Variants in ELN observed in about 807,000 individuals in gnomAD.
ELN encodes tropoelastin.
A neutral mutation model predicts 105.8 loss-of-function variants in ELN; 65 were observed. That is an observed-to-expected ratio of 0.61 (90% CI 0.50 to 0.75). The LOEUF is 0.75. Ranked by LOEUF, ELN falls within the 30% of genes least tolerant of loss-of-function variation. The pLI is 0.00. For missense variants in ELN, 882 were observed against 969.4 expected (o/e 0.91, Z 1.20); for synonymous variants, 368 against 389.2 (o/e 0.95, Z 0.64).
rs781987539 is a variant in ELN at position 74,028,181 on chromosome 7, C to CCCCAGA, written c.-4_-3insAGACCC. On this transcript the variant is annotated 5_prime_UTR_variant, in exon 1 of 33. Transcript: ENST00000252034. Reference sequence around the variant, plus strand: ...GCGGAGAGCGGGCTGGGGCATTTCTCCCCGAGATGGCGGGTCTGACGGCGG... The same window carrying CCCCAGA: ...GCGGAGAGCGGGCTGGGGCATTTCTCCCCAGACCCGAGATGGCGGGTCTGACGGCGG... The CCCCAGA allele has an allele frequency of 2.7e-5, 44 of 1,609,028 alleles. No homozygotes were observed. The East Asian group carries it at 9.9e-4, about 36-fold the overall frequency.
intron 21 of ELN, 150 bp from the exon 22 acceptor site, chr7:74,057,490 G>A (rs782652234): frequency 1.3e-6 from 2 of 1,580,150 alleles, no homozygotes; most frequent in Admixed American, 3.5e-5. Flanking sequence ...CTCCAGCCCA[G>A]AGATGGGTTT....
At chr7:74,043,588 T>C in intron 8 of ELN, 1 of 641,486 alleles carries the variant, frequency 1.6e-6, no homozygotes. Flanking sequence ...ACTGCCTGAG[T>C]CTACGCAGCA....
rs567352486 is a variant in ELN, at chr7:74,064,487, A to G, written c.1993+792A>G. On this transcript the variant is annotated intron_variant, in intron 29 of 32. Transcript: ENST00000252034. ...ATAAATTAGCTGGGCATGGTGACAC[A>G]CGCCTGTAATCCCAGCTACTCGGGA... 1.6e-4 allele frequency among the ~76,000 whole-genome samples: 24 copies of G among 151,374 alleles called. No homozygotes were observed. The East Asian group carries it at 3.3e-3, about 21-fold the overall frequency.
chr7:74,035,576 T>C (rs1443909680), intron 2 of ELN, 162 bp downstream of exon 2: 1 of 854,886 alleles, frequency 1.2e-6, no homozygotes, highest in Non-Finnish European at 1.9e-6. Context: ...TTACAGCTAT[T>C]AAGAGCATAC....
At chr7:74,066,596 A>C (rs1279578015) in intron 31 of ELN, 136 bp from the exon 32 acceptor site, 12 of 548,316 alleles carry the variant, frequency 2.2e-5, no homozygotes, top group Non-Finnish European at 3.7e-5. Flanking sequence ...AAAATATAAA[A>C]AATTATATAG....
chr7:74,046,296 A>T (rs1467465606), intron 11 of ELN, 79 bp downstream of exon 11: 5 of 1,598,732 alleles, frequency 3.1e-6, no homozygotes, highest in Non-Finnish European at 4.3e-6. Flanking sequence ...GGCACCCAAG[A>T]TCCCATCCAA....
intron 21 of ELN, 100 bp from the exon 22 acceptor site, chr7:74,057,540 C>T (rs1554681033): frequency 1.6e-5 from 25 of 1,606,138 alleles, no homozygotes; most frequent in Non-Finnish European, 2.0e-5. Context: ...TGACCAAGGT[C>T]GACTGCACCA....
chr7:74,036,688 G>A (rs1157007189), intron 3 of ELN, 104 bp downstream of exon 3: 18 of 1,522,756 alleles, frequency 1.2e-5, no homozygotes, highest in Admixed American at 1.7e-5. Context: ...GAGCATCAAG[G>A]ACTCCCTCAT....
Position 74,043,001 on chromosome 7 carries a change from G to A in ELN, c.343G>A (p.Val115Ile), listed in dbSNP as rs782282589. 6.2e-7 allele frequency: 1 copy of A among 1,614,206 alleles called. No homozygotes were observed. The highest frequency in any genetic ancestry group is 2.2e-5 in the East Asian group (1 of 44,884). Reference sequence around the variant, plus strand: ...CTCTGCAGGCGCTGGGCTTGGTGGTGTCCCAGGAGTTGGTGGCTTAGGAGT... The same window carrying A: ...CTCTGCAGGCGCTGGGCTTGGTGGTATCCCAGGAGTTGGTGGCTTAGGAGT... ...AAKAGAGLGGVPGVGGLGVSA... is the reference protein window; with the variant it reads ...AAKAGAGLGGIPGVGGLGVSA... The change falls in exon 7 of 33, where the codon GTC (valine) becomes ATC (isoleucine). Residue 115 changes from valine (V) to isoleucine (I), a missense_variant. Val to Ile is a conservative substitution (Grantham distance 29, BLOSUM62 3). Transcript: ENST00000252034.
intron 4 of ELN, among the ~76,000 whole-genome samples, chr7:74,040,145 C>T (rs932128983): frequency 6.6e-6 from 1 of 152,224 alleles, no homozygotes; most frequent in African/African-American, 2.4e-5. Flanking sequence ...GCCTGCCCCC[C>T]ACTGCAGCCC....
chr7:74,063,678 G>C lies in ELN; in HGVS notation c.1976G>C (p.Gly659Ala). Residue 659 changes from glycine to alanine, a missense_variant, in exon 29 of 33, where the codon GGT (glycine) becomes GCT (alanine). Gly to Ala is a moderately conservative substitution (Grantham distance 60). Coordinates refer to ENST00000252034, the MANE Select transcript of ELN (RefSeq NM_000501.4). This position sits in a 1 kb window ranked among gnomAD's most constrained non-coding sequence, Gnocchi z 4.1. ...GLGVGGLGVP[G>A]VGGLGGIPPA... ...GGAGTCGGAGGGCTTGGAGTTCCAG[G>C]TGTTGGGGGCCTTGGAGGTGAGAGT... The C allele has an allele frequency of 6.2e-7, 1 of 1,614,206 alleles. No individual in the cohort carries two copies. Among genetic ancestry groups the C allele is most frequent in the African/African-American group, 1.3e-5 (1 of 75,054 alleles).
At chr7:74,028,691 G>A (rs894693455) in intron 1 of ELN, among the ~76,000 whole-genome samples, 4 of 152,196 alleles carry the variant, frequency 2.6e-5, no homozygotes, top group African/African-American at 9.6e-5. Flanking sequence ...ACCTGGGCTT[G>A]ATACCAGCTC....
rs1354728977 is a variant in ELN, at chr7:74,060,533, C to T, written c.1747+32C>T. The T allele has an allele frequency of 1.2e-6, 2 of 1,614,072 alleles. No individual in the cohort carries two copies. Among genetic ancestry groups the T allele is most frequent in the African/African-American group, 2.7e-5 (2 of 74,930 alleles). On this transcript the variant is annotated intron_variant, in intron 25 of 32. Transcript: ENST00000252034. ...ATGAGGGAGTTAGGCGGAGCCTGTCCCCTGAGCTCAGGGAAGGAGATCCCT... is the reference window on the plus strand; with the variant it reads ...ATGAGGGAGTTAGGCGGAGCCTGTCTCCTGAGCTCAGGGAAGGAGATCCCT...
At chr7:74,060,977 C>A in intron 25 of ELN, 124 bp from the exon 26 acceptor site, 1 of 1,185,814 alleles carries the variant, frequency 8.4e-7, no homozygotes, top group Non-Finnish European at 1.3e-6. Context: ...GCCTGTACAG[C>A]TTCAGGGCTT....
At chr7:74,062,644 G>T (rs192115317) in intron 26 of ELN, among the ~76,000 whole-genome samples, 1 of 151,470 alleles carries the variant, frequency 6.6e-6, no homozygotes, top group African/African-American at 2.4e-5. Flanking sequence ...TCCATCTCCC[G>T]GGTTCAAGTG....
At chr7:74,057,818 G>A (rs1795643121) in intron 22 of ELN, 122 bp downstream of exon 22, 5 of 1,159,680 alleles carry the variant, frequency 4.3e-6, no homozygotes, top group Non-Finnish European at 6.4e-6. Flanking sequence ...CACATTCTGG[G>A]GTGGGCCCTC....
rs782574590 is a variant in ELN at position 74,056,654 on chromosome 7, T to C, written c.1316-18T>C. 21 of 1,613,864 alleles carry C rather than the reference T, an allele frequency of 1.3e-5. No homozygotes were observed. Among genetic ancestry groups the C allele is most frequent in the Non-Finnish European group, 1.7e-5 (20 of 1,180,024 alleles). ...GGCACGGCTTCTGAGGGTCTCTTTC[T>C]TTCTCGTTTCCTTGTAGCCGAAGCT... On this transcript the variant is annotated intron_variant, in intron 20 of 32. Coordinates refer to ENST00000252034, the MANE Select transcript of ELN (RefSeq NM_000501.4).
rs1792193949 is a variant in ELN, at chr7:74,045,229, G to T, written c.477G>T (p.Arg159=). The stretch of plus-strand genomic sequence containing the variant: ...TGCTTTGTCCCCCGGCAGGAGCTCG[G>T]TTCCCCGGTGTGGGGGTGCTCCCTG... The part of the protein sequence containing the change: ...VYPGGVLPGA[R]FPGVGVLPGV... The change falls in exon 10 of 33, where the codon CGG becomes CGT. Residue 159 remains arginine, a synonymous_variant. Transcript: ENST00000252034. 1 of 1,613,954 alleles carries T rather than the reference G, an allele frequency of 6.2e-7. No individual in the cohort carries two copies. The highest frequency in any genetic ancestry group is 1.7e-5 in the Admixed American group (1 of 60,010).
chr7:74,046,670 T>C lies in ELN; in HGVS notation c.572-26T>C, dbSNP rs571616271. 3 of 1,613,910 alleles carry C rather than the reference T, an allele frequency of 1.9e-6. No individual in the cohort carries two copies. The East Asian group carries it at 6.7e-5, about 36-fold the overall frequency. On this transcript the variant is annotated intron_variant, in intron 11 of 32. Transcript: ENST00000252034. ...GGGTTTGGAAGGGGGTGCTGGGACC[T>C]GAACTTGCTCTCTTTATTCCCACAG...
Sources: allele counts gnomAD v4.1 joint callset (sites outside exome capture counted in the v4.1 genomes callset), GRCh38; gene constraint gnomAD v4.1.1; non-coding constraint Gnocchi (gnomAD v3.1); transcripts MANE v1.5; gene names NCBI Gene and HGNC (gene_info 2026-07-23, HGNC 2026-07-21).